Variants in PCDHA1 observed in about 807,000 individuals in gnomAD.
The protein encoded by PCDHA1 is protocadherin alpha-1.
In PCDHA1, 42 loss-of-function variants were observed where a neutral mutation model predicts 61.3. The observed-to-expected ratio is 0.69, with a 90% CI of 0.54 to 0.89. The LOEUF (loss-of-function observed/expected upper bound fraction) is 0.89, where lower values mean the gene tolerates loss of function less well. PCDHA1 is among the 40% of genes least tolerant of loss of function. PCDHA1 has a pLI of 0.00. For synonymous variants in PCDHA1, 610 were observed against 553.8 expected (o/e 1.10, Z -1.43); for missense variants, 1,256 against 1,235.3 (o/e 1.02, Z -0.25).
chr5:140,836,543 G>A lies in PCDHA1; in HGVS notation c.2394+47859G>A, dbSNP rs1209808083. On this transcript the variant is annotated intron_variant, in intron 1 of 3. Coordinates refer to ENST00000504120, the MANE Select transcript of PCDHA1 (RefSeq NM_018900.4). ...TGCTTACCCTGCTGCTGTACACGGC[G>A]TTGCGGTGCTCAGCGCCGTCCTCTG... 3 of 1,613,702 alleles carry A rather than the reference G, an allele frequency of 1.9e-6. No homozygotes were observed. The African/African-American group carries it at 4.0e-5, about 22-fold the overall frequency.
chr5:140,952,215 C>T (rs2094705548), intron 1 of PCDHA1, among the ~76,000 whole-genome samples: 1 of 152,034 alleles, frequency 6.6e-6, no homozygotes, highest in African/African-American at 2.4e-5. Context: ...GCAGCTTTTC[C>T]AGGCACAGTG....
chr5:140,797,000 C>T lies in PCDHA1; in HGVS notation c.2394+8316C>T, dbSNP rs868983701. ...GAAAGTGGCCAGGCACCCAAGGCCT[C>T]GTCGCGGGCGTGGGTGGGCGCCGCG... On this transcript the variant is annotated intron_variant, in intron 1 of 3. Coordinates refer to ENST00000504120, the MANE Select transcript of PCDHA1 (RefSeq NM_018900.4). 4 of 1,613,638 alleles carry T rather than the reference C, an allele frequency of 2.5e-6. No homozygotes were observed. In the Admixed American group the frequency reaches 5.0e-5, roughly 20 times the overall value.
chr5:140,915,542 G>T (rs1253663657), intron 1 of PCDHA1, among the ~76,000 whole-genome samples: 2 of 152,030 alleles, frequency 1.3e-5, no homozygotes, highest in Admixed American at 6.6e-5. Context: ...TGGAGGTCTT[G>T]AATAAGATCC....
At position 140,814,356 on chromosome 5, in the gene PCDHA1, C is replaced by T. The variant is rs2150035984; in HGVS notation, c.2394+25672C>T. On this transcript the variant is annotated intron_variant, in intron 1 of 3. Transcript: ENST00000504120. ...TGGAAGGTCTTCTGGGGCAGTTACA[C>T]ATGCGATGCTATCATCTCCTATGAT... 1.3e-5 allele frequency: 2 copies of T among 152,124 alleles called. 1 individual carries two copies. Among genetic ancestry groups the T allele is most frequent in the African/African-American group, 4.8e-5 (2 of 41,516 alleles). 9.4% of individuals were successfully genotyped at this position (152,124 alleles called of 1,614,324 possible). A position where few individuals can be genotyped will look rare whatever the true frequency, so the allele number is the denominator to read the frequency against.
chr5:140,834,708 A>G lies in PCDHA1; in HGVS notation c.2394+46024A>G. ...GGAGTGCAGCATCCACCTGGAGGTG[A>G]TCGTGGAAAGGCCGCTGCAGGTTTT... On this transcript the variant is annotated intron_variant, in intron 1 of 3. Coordinates refer to ENST00000504120, the MANE Select transcript of PCDHA1 (RefSeq NM_018900.4). The G allele has an allele frequency of 2.5e-6, 4 of 1,614,234 alleles. No individual in the cohort carries two copies. In the South Asian group the frequency reaches 3.3e-5, roughly 13 times the overall value.
Position 140,796,106 on chromosome 5 carries a change from C to A in PCDHA1, c.2394+7422C>A, listed in dbSNP as rs781833045. On this transcript the variant is annotated intron_variant, in intron 1 of 3. Coordinates refer to ENST00000504120, the MANE Select transcript of PCDHA1 (RefSeq NM_018900.4). Reference sequence around the variant, plus strand: ...ACGGTGTCGGATCGCGACTCTGGTACGAATGGACATGTCACCTGCTCCCTG... The same window carrying A: ...ACGGTGTCGGATCGCGACTCTGGTAAGAATGGACATGTCACCTGCTCCCTG... The A allele has an allele frequency of 8.1e-6, 13 of 1,614,096 alleles. No homozygotes were observed. In the Admixed American group the frequency reaches 2.0e-4, roughly 25 times the overall value.
intron 1 of PCDHA1, chr5:140,821,877 C>T (rs2150111547): frequency 1.1e-5 from 18 of 1,614,240 alleles, no homozygotes; most frequent in Non-Finnish European, 1.4e-5. Flanking sequence ...ACTACTCGAT[C>T]CCGGAGGAAG....
intron 3 of PCDHA1, among the ~76,000 whole-genome samples, chr5:140,999,527 C>G (rs578180518): frequency 6.6e-6 from 1 of 152,088 alleles, no homozygotes; most frequent in Non-Finnish European, 1.5e-5. Context: ...TTGTTACCCC[C>G]TGGATATGAC....
chr5:140,893,528 G>C (rs541953324), intron 1 of PCDHA1, among the ~76,000 whole-genome samples: 2 of 152,254 alleles, frequency 1.3e-5, no homozygotes, highest in Admixed American at 6.5e-5. Context: ...ACTCCTTTAA[G>C]TATTTCTTGT....
intron 1 of PCDHA1, among the ~76,000 whole-genome samples, chr5:140,944,130 G>C (rs141500614): frequency 3.9e-4 from 60 of 152,256 alleles, no homozygotes; most frequent in Non-Finnish European, 7.9e-4. Context: ...AGAAGAAAAG[G>C]TTGAAGATTA....
chr5:140,998,910 A>T (rs1346967203), intron 3 of PCDHA1, among the ~76,000 whole-genome samples: 1 of 152,230 alleles, frequency 6.6e-6, no homozygotes, highest in South Asian at 2.1e-4. Context: ...TCCGGGAGGT[A>T]GCTATTATAT....
At position 140,970,091 on chromosome 5, in the gene PCDHA1, G is replaced by A. The variant is rs542039822; in HGVS notation, c.2395-8858G>A. ...AATGAGTGGATTAGGGGTGTGGGGG[G>A]ATGGTGAAGACCAAGAGAAGCTGGG... On this transcript the variant is annotated intron_variant, in intron 1 of 3. Coordinates refer to ENST00000504120, the MANE Select transcript of PCDHA1 (RefSeq NM_018900.4). 3.9e-4 allele frequency among the ~76,000 whole-genome samples: 59 copies of A among 152,258 alleles called. 1 individual carries two copies. Among genetic ancestry groups the A allele is most frequent in the Admixed American group, 1.1e-3 (17 of 15,292 alleles).
chr5:140,913,781 A>G (rs1554196050), intron 1 of PCDHA1, among the ~76,000 whole-genome samples: 2 of 151,976 alleles, frequency 1.3e-5, no homozygotes, highest in African/African-American at 4.8e-5. Flanking sequence ...TTGTGTTTCC[A>G]TTATCATTTG....
chr5:140,871,444 A>C (rs782085925), intron 1 of PCDHA1: 1 of 1,610,088 alleles, frequency 6.2e-7, no homozygotes, highest in Non-Finnish European at 8.5e-7. Context: ...AGGTCTGAAT[A>C]AAGAGGAGGA....
intron 1 of PCDHA1, among the ~76,000 whole-genome samples, chr5:140,939,903 C>T (rs782506444): frequency 6.6e-6 from 1 of 152,046 alleles, no homozygotes; most frequent in African/African-American, 2.4e-5. Flanking sequence ...ATTCTGCATT[C>T]TTTTTTATTC....
chr5:140,854,848 A>C (rs1384152430), intron 1 of PCDHA1, among the ~76,000 whole-genome samples: 2 of 149,876 alleles, frequency 1.3e-5, no homozygotes, highest in African/African-American at 4.9e-5. Flanking sequence ...ACATTGATAA[A>C]ATTACTAGAT....
intron 1 of PCDHA1, chr5:140,882,711 C>A: frequency 6.2e-7 from 1 of 1,614,160 alleles, no homozygotes; most frequent in Non-Finnish European, 8.5e-7. Flanking sequence ...TCTAGACCTC[C>A]GGAAACTCGA....
chr5:141,010,321 G>A lies in PCDHA1; in HGVS notation c.*384G>A. The A allele has an allele frequency of 1.3e-6, 2 of 1,541,244 alleles. No individual in the cohort carries two copies. Among genetic ancestry groups the A allele is most frequent in the South Asian group, 1.2e-5 (1 of 82,726 alleles). On this transcript the variant is annotated 3_prime_UTR_variant, in exon 4 of 4. Transcript: ENST00000504120. ...GGCTGAAAAGTTTTGAGATTGAGCA[G>A]CTTGGGAGTTTGTGGCCACTGGGTA...
At chr5:140,990,627 A>G (rs782672988) in intron 3 of PCDHA1, among the ~76,000 whole-genome samples, 16 of 152,198 alleles carry the variant, frequency 1.1e-4, no homozygotes, top group Non-Finnish European at 1.5e-4. Flanking sequence ...GTCTGTGGTA[A>G]GACTAGAAGC....
Sources: gnomAD v4.1 joint callset for allele counts (sites outside exome capture counted in the v4.1 genomes callset) on GRCh38, gnomAD v4.1.1 for gene constraint, MANE v1.5 for transcripts, NCBI Gene and HGNC (gene_info 2026-07-23, HGNC 2026-07-21) for gene names.